Variants in ELAPOR2 observed in about 807,000 individuals in gnomAD.
ELAPOR2 encodes the protein endosome/lysosome-associated apoptosis and autophagy regulator family member 2.
A neutral mutation model predicts 120.7 loss-of-function variants in ELAPOR2; 89 were observed. That is an observed-to-expected ratio of 0.74 (90% CI 0.62 to 0.88). The LOEUF is 0.88. Ranked by LOEUF, ELAPOR2 falls within the 40% of genes least tolerant of loss-of-function variation. The pLI is 0.00. For synonymous variants in ELAPOR2, 444 were observed against 444.9 expected (o/e 1.00, Z 0.03); for missense variants, 1,134 against 1,251.6 (o/e 0.91, Z 1.42).
At position 87,059,386 on chromosome 7, in the gene ELAPOR2, T is replaced by C; in HGVS notation, c.128A>G (p.Gln43Arg). 3.2e-6 allele frequency: 4 copies of C among 1,244,506 alleles called. No individual in the cohort carries two copies. Among genetic ancestry groups the C allele is most frequent in the Non-Finnish European group, 4.0e-6 (4 of 988,010 alleles). 77.1% of individuals were successfully genotyped at this position (1,244,506 alleles called of 1,614,324 possible). ...WICCWALAGC[Q>R]AAWAGDLPSS... ...GGGCAGGTCCCCAGCCCAGGCCGCC[T>C]GGCAGCCGGCGAGCGCCCAGCAGCA... Residue 43 changes from glutamine (Q) to arginine (R), a missense_variant, in exon 1 of 22, where the codon CAG becomes CGG. Transcript: ENST00000450689.
At chr7:86,913,330 C>T in intron 13 of ELAPOR2, 126 bp from the exon 14 acceptor site, 1 of 887,970 alleles carries the variant, frequency 1.1e-6, no homozygotes, top group Non-Finnish European at 1.7e-6. Flanking sequence ...TTGTAATTGA[C>T]AATAGATTAA....
intron 1 of ELAPOR2, among the ~76,000 whole-genome samples, chr7:86,981,110 C>G (rs1462281149): frequency 6.6e-6 from 1 of 152,132 alleles, no homozygotes; most frequent in Non-Finnish European, 1.5e-5. Context: ...ATTTCCTCCA[C>G]TTGCAGAAGA....
intron 18 of ELAPOR2, among the ~76,000 whole-genome samples, chr7:86,901,498 A>G (rs1788722337): frequency 6.6e-6 from 1 of 152,222 alleles, no homozygotes; most frequent in Non-Finnish European, 1.5e-5. Context: ...ATTATGACTT[A>G]ATACTGATCC....
At chr7:86,990,640 T>A (rs1330916362) in intron 1 of ELAPOR2, among the ~76,000 whole-genome samples, 1 of 152,158 alleles carries the variant, frequency 6.6e-6, no homozygotes, top group Non-Finnish European at 1.5e-5. Flanking sequence ...TTCAAGGTAT[T>A]GAGCTAGCAG....
intron 1 of ELAPOR2, among the ~76,000 whole-genome samples, chr7:86,988,295 G>A (rs1032033957): frequency 6.6e-6 from 1 of 152,106 alleles, no homozygotes; most frequent in African/African-American, 2.4e-5. Flanking sequence ...GTATACTTAT[G>A]TAACAAGCCT....
chr7:87,028,416 C>G (rs1197393819), intron 1 of ELAPOR2, among the ~76,000 whole-genome samples: 1 of 152,124 alleles, frequency 6.6e-6, no homozygotes, highest in Non-Finnish European at 1.5e-5. Context: ...TCCATTGGTT[C>G]TAACTCTCCT....
chr7:86,955,164 A>C (rs965753299), intron 2 of ELAPOR2, among the ~76,000 whole-genome samples: 3 of 152,148 alleles, frequency 2.0e-5, no homozygotes, highest in African/African-American at 7.2e-5. Flanking sequence ...CTTCAGTACC[A>C]GTGATAAGGA....
At chr7:87,018,007 C>T (rs972534335) in intron 1 of ELAPOR2, among the ~76,000 whole-genome samples, 1 of 152,136 alleles carries the variant, frequency 6.6e-6, no homozygotes, top group African/African-American at 2.4e-5. Context: ...AGTTCCATTT[C>T]ACACTGGCAG....
chr7:86,886,636 G>A (rs765964298), intron 21 of ELAPOR2, among the ~76,000 whole-genome samples: 7 of 152,048 alleles, frequency 4.6e-5, no homozygotes, highest in Admixed American at 1.3e-4. Context: ...ATTTATGGTC[G>A]CTCAACAAGG....
At chr7:86,936,791 A>G (rs1031517714) in intron 8 of ELAPOR2, among the ~76,000 whole-genome samples, 26 of 152,092 alleles carry the variant, frequency 1.7e-4, no homozygotes, top group Non-Finnish European at 4.4e-5. Context: ...TTGTCACACT[A>G]CTTACTGCCA....
intron 1 of ELAPOR2, among the ~76,000 whole-genome samples, chr7:87,042,706 A>G (rs1433029047): frequency 6.6e-6 from 1 of 152,148 alleles, no homozygotes; most frequent in Non-Finnish European, 1.5e-5. Context: ...AACAACTAGA[A>G]AAGCAAGAGC....
intron 21 of ELAPOR2, among the ~76,000 whole-genome samples, chr7:86,882,081 A>C (rs926005999): frequency 2.0e-5 from 3 of 152,226 alleles, no homozygotes; most frequent in Admixed American, 6.5e-5. Flanking sequence ...AAGCCTCTGG[A>C]AGAGCAGACT....
chr7:86,941,718 C>A (rs1790802802), intron 5 of ELAPOR2, among the ~76,000 whole-genome samples: 1 of 151,734 alleles, frequency 6.6e-6, no homozygotes. Context: ...CTCATGGATG[C>A]CCCTTTGAAA....
At chr7:87,026,418 TA>T (rs1794246434) in intron 1 of ELAPOR2, among the ~76,000 whole-genome samples, 4 of 152,022 alleles carry the variant, frequency 2.6e-5, no homozygotes, top group African/African-American at 9.6e-5. Flanking sequence ...ATGAAATTTT[TA>T]AGAAATTATT....
At chr7:86,917,236 A>G (rs541061424) in intron 12 of ELAPOR2, among the ~76,000 whole-genome samples, 1 of 152,180 alleles carries the variant, frequency 6.6e-6, no homozygotes, top group East Asian at 1.9e-4. Context: ...CCTGGCCAAC[A>G]TGGTGAAACT....
chr7:86,893,038 T>A lies in ELAPOR2; in HGVS notation c.2748A>T (p.Lys916Asn). The A allele has an allele frequency of 6.3e-7, 1 of 1,585,742 alleles. No individual in the cohort carries two copies. Among genetic ancestry groups the A allele is most frequent in the East Asian group, 2.3e-5 (1 of 42,938 alleles). ...CAACCGTTTCACAGGTTGCCAACTT[T>A]TTCTCAGGCAAAGAAATTCCTTTAA... ...WCIKGISLPEKKLATCETVDF... is the reference protein window; with the variant it reads ...WCIKGISLPENKLATCETVDF... Residue 916 changes from lysine to asparagine, a missense_variant, in exon 20 of 22, where the codon AAA becomes AAT. By Grantham distance (94) the Lys-to-Asn change is moderately conservative. Around this residue, in one of 3 missense-constraint regions of ELAPOR2, gnomAD observed 831 missense variants for 867.6 expected, o/e 0.96. Coordinates refer to ENST00000450689, the MANE Select transcript of ELAPOR2 (RefSeq NM_001142749.3).
At chr7:86,893,185 A>G in intron 19 of ELAPOR2, 85 bp from the exon 20 acceptor site, 1 of 1,035,324 alleles carries the variant, frequency 9.7e-7, no homozygotes, top group Admixed American at 2.9e-5. Context: ...GTCACTGGTC[A>G]ATTTCTTACA....
intron 1 of ELAPOR2, among the ~76,000 whole-genome samples, chr7:87,049,602 A>G (rs539797107): frequency 6.6e-6 from 1 of 152,330 alleles, no homozygotes; most frequent in Non-Finnish European, 1.5e-5. Flanking sequence ...AGCCAGGGAA[A>G]GCCTTACTGA....
chr7:87,051,295 A>C (rs1307093092), intron 1 of ELAPOR2, among the ~76,000 whole-genome samples: 1 of 152,190 alleles, frequency 6.6e-6, no homozygotes, highest in Non-Finnish European at 1.5e-5. Flanking sequence ...CTTGAAGCCA[A>C]GTAAATTTCA....
Sources: gnomAD v4.1 joint callset for allele counts (sites outside exome capture counted in the v4.1 genomes callset) on GRCh38, gnomAD v4.1.1 for gene constraint, gnomAD v4.1.1 regional missense constraint, MANE v1.5 for transcripts, NCBI Gene and HGNC (gene_info 2026-07-23, HGNC 2026-07-21) for gene names.